The following ARID1B variants were observed in gnomAD, a reference collection of about 807,000 sequenced individuals.
ARID1B encodes the protein AT-rich interaction domain 1B.
Under a neutral mutation model 212.3 loss-of-function variants are expected in ARID1B, and 30 were observed. The observed-to-expected ratio is 0.14, with a 90% confidence interval of 0.11 to 0.19. The LOEUF is 0.19. ARID1B is among the 10% of genes least tolerant of loss of function. The pLI is 1.00. For synonymous variants in ARID1B, 1,402 were observed against 1,301.7 expected, an observed-to-expected ratio of 1.08 and a Z score of -1.66; for missense variants, 2,891 against 3,204.0, an observed-to-expected ratio of 0.90 and a Z score of 2.36.
chr6:157,011,306 T>C (rs913719998), intron 4 of ARID1B, among the ~76,000 whole-genome samples: 1 of 152,244 alleles, frequency 6.6e-6, no homozygotes, highest in African/African-American at 2.4e-5. Context: ...CAAGCTCTAA[T>C]TAATTGTCCA....
intron 4 of ARID1B, among the ~76,000 whole-genome samples, chr6:156,988,167 A>T (rs1209978924): frequency 6.6e-6 from 1 of 152,228 alleles, no homozygotes; most frequent in Non-Finnish European, 1.5e-5. Flanking sequence ...CTGGAGACGC[A>T]CTTAGTAGTT....
chr6:157,117,970 T>A (rs1000846721), intron 6 of ARID1B, among the ~76,000 whole-genome samples: 1 of 152,200 alleles, frequency 6.6e-6, no homozygotes, highest in Non-Finnish European at 1.5e-5. Flanking sequence ...AAATGGATTG[T>A]GCTGAGTCCC....
intron 1 of ARID1B, among the ~76,000 whole-genome samples, chr6:156,801,700 T>C (rs1056762433): frequency 6.6e-6 from 1 of 152,122 alleles, no homozygotes; most frequent in African/African-American, 2.4e-5. Context: ...TTTTTTTTAG[T>C]AGTAGAGAAA....
chr6:157,122,661 C>G (rs1207600003), intron 6 of ARID1B, among the ~76,000 whole-genome samples: 1 of 152,194 alleles, frequency 6.6e-6, no homozygotes, highest in Non-Finnish European at 1.5e-5. Context: ...CGTGCTCTAA[C>G]TTACAGCTAG....
At chr6:157,098,186 C>G (rs1562616062) in intron 5 of ARID1B, among the ~76,000 whole-genome samples, 1 of 151,236 alleles carries the variant, frequency 6.6e-6, no homozygotes, top group Admixed American at 6.6e-5. Context: ...TATAAACCAT[C>G]CCTCTATTTG....
At chr6:157,047,377 A>G (rs751608449) in intron 4 of ARID1B, among the ~76,000 whole-genome samples, 5 of 152,214 alleles carry the variant, frequency 3.3e-5, no homozygotes, top group Non-Finnish European at 7.3e-5. Context: ...GTAGTATATT[A>G]TAATCAGAGG....
At chr6:157,113,237 A>C (rs1210356818) in intron 6 of ARID1B, among the ~76,000 whole-genome samples, 3 of 152,172 alleles carry the variant, frequency 2.0e-5, no homozygotes, top group Non-Finnish European at 2.9e-5. Flanking sequence ...ATTTCTTTCA[A>C]ATAGTAAATA....
At chr6:157,123,474 C>T (rs1038539655) in intron 6 of ARID1B, among the ~76,000 whole-genome samples, 1 of 152,192 alleles carries the variant, frequency 6.6e-6, no homozygotes, top group Non-Finnish European at 1.5e-5. Context: ...AGGCAGGATC[C>T]CCCTCAGCTC....
intron 4 of ARID1B, among the ~76,000 whole-genome samples, chr6:157,042,874 T>G (rs1356119274): frequency 3.9e-5 from 6 of 152,142 alleles, no homozygotes; most frequent in Non-Finnish European, 7.4e-5. Context: ...TTGGCCAGGC[T>G]GGTCTCAAAC....
intron 3 of ARID1B, among the ~76,000 whole-genome samples, chr6:156,922,362 G>A (rs1790880104): frequency 6.6e-6 from 1 of 151,886 alleles, no homozygotes; most frequent in East Asian, 1.9e-4. Flanking sequence ...TAGTAGAGAT[G>A]GGGTTTCACC....
intron 4 of ARID1B, among the ~76,000 whole-genome samples, chr6:157,062,995 G>A (rs907553220): frequency 2.6e-5 from 4 of 151,892 alleles, no homozygotes; most frequent in South Asian, 4.2e-4. Flanking sequence ...GTGAGCCACC[G>A]TGCCCAGCCT....
intron 1 of ARID1B, among the ~76,000 whole-genome samples, chr6:156,812,219 C>T (rs1286314225): frequency 6.6e-6 from 1 of 152,200 alleles, no homozygotes; most frequent in East Asian, 1.9e-4. Flanking sequence ...GCAGCCTCAA[C>T]CTCCCAGGCT....
chr6:157,039,711 T>TTTCC (rs1781675933), intron 4 of ARID1B, among the ~76,000 whole-genome samples: 1 of 118,498 alleles, frequency 8.4e-6, no homozygotes, highest in African/African-American at 3.2e-5. Flanking sequence ...CTTTCCTTTC[T>TTTCC]TTCCTTCCTT....
intron 7 of ARID1B, among the ~76,000 whole-genome samples, chr6:157,145,444 C>T (rs555907401): frequency 3.3e-5 from 5 of 152,216 alleles, no homozygotes; most frequent in African/African-American, 1.2e-4. Flanking sequence ...GCGTGCCTGC[C>T]CACATCTGCA....
chr6:156,805,263 C>T (rs1781074438), intron 1 of ARID1B, among the ~76,000 whole-genome samples: 1 of 152,130 alleles, frequency 6.6e-6, no homozygotes, highest in South Asian at 2.1e-4. Flanking sequence ...TTGCCTCCAC[C>T]TGCAGCCTGC....
chr6:157,186,688 C>G, intron 13 of ARID1B: 1 of 360,914 alleles, frequency 2.8e-6, no homozygotes, highest in South Asian at 2.2e-5. Flanking sequence ...AATGTATGTT[C>G]TTTGAAGTCA....
At chr6:156,989,122 G>C (rs1014325508) in intron 4 of ARID1B, among the ~76,000 whole-genome samples, 1 of 151,974 alleles carries the variant, frequency 6.6e-6, no homozygotes, top group Non-Finnish European at 1.5e-5. Context: ...GCTCCCTTTT[G>C]GATTTAACTT....
intron 6 of ARID1B, among the ~76,000 whole-genome samples, chr6:157,123,868 G>A (rs1215100865): frequency 2.6e-5 from 4 of 152,252 alleles, no homozygotes; most frequent in East Asian, 1.9e-4. Context: ...AAAGGAAAGT[G>A]ATGCTTTGCA....
intron 7 of ARID1B, chr6:157,140,767 TCCGC>T (rs561096766): frequency 1.7e-4 from 69 of 397,470 alleles, no homozygotes; most frequent in African/African-American, 1.4e-3. Flanking sequence ...GTCCTTGGGG[TCCGC>T]CTCTGACGTT....
Sources: gnomAD v4.1 joint callset for allele counts (sites outside exome capture counted in the v4.1 genomes callset) on GRCh38, gnomAD v4.1.1 for gene constraint, MANE v1.5 for transcripts, NCBI Gene and HGNC (gene_info 2026-07-23, HGNC 2026-07-21) for gene names.